CSPG4: variants seen among roughly 807,000 people sequenced by gnomAD.
CSPG4 encodes chondroitin sulfate proteoglycan 4 (melanoma-associated).
CSPG4 carries 74 observed loss-of-function variants against 139.3 expected under a neutral mutation model. The observed-to-expected ratio is 0.53, with a 90% confidence interval of 0.44 to 0.64. The LOEUF (loss-of-function observed/expected upper bound fraction) is 0.64, where lower values mean the gene tolerates loss of function less well. Ranked by LOEUF, CSPG4 falls within the 30% of genes least tolerant of loss-of-function variation. CSPG4 has a pLI of 0.00. For missense variants in CSPG4, 2,565 were observed against 3,148.3 expected (o/e 0.81, Z 4.43); for synonymous variants, 1,234 against 1,394.2 (o/e 0.89, Z 2.56).
At chr15:75,683,902 C>T (rs1460174418) in intron 5 of CSPG4, among the ~76,000 whole-genome samples, 1 of 152,192 alleles carries the variant, frequency 6.6e-6, no homozygotes, top group African/African-American at 2.4e-5. Flanking sequence ...TAGATGGCAC[C>T]ACCTGGTGGC....
rs745589510 is a variant in CSPG4 at position 75,676,159 on chromosome 15, G to A, written c.6360C>T (p.Asp2120=). The A allele has an allele frequency of 8.5e-5, 131 of 1,547,660 alleles. No homozygotes were observed. The highest frequency in any genetic ancestry group is 3.5e-4 in the South Asian group (30 of 85,206). Residue 2120 remains aspartate (D), a synonymous_variant, in exon 10 of 10, where the codon GAC becomes GAT. Transcript: ENST00000308508. The part of the protein sequence containing the change: ...VEQFTQQDLE[D]GRLGLEVGRP... ...TGCCCACCTCCAGCCCCAGCCTCCC[G>A]TCCTCAAGGTCCTGCTGAGTGAACT...
At position 75,674,623 on chromosome 15, in the gene CSPG4, T is replaced by C. The variant is rs538703256; in HGVS notation, c.*927A>G. ...TTAAGACACAAACACCACACAGCTG[T>C]CCAGAGCCTCCAAAGCACTGTTTAT... is the stretch of plus-strand genomic sequence containing the variant. On this transcript the variant is annotated 3_prime_UTR_variant, in exon 10 of 10. Coordinates refer to ENST00000308508, the MANE Select transcript of CSPG4 (RefSeq NM_001897.5). 3.8e-5 allele frequency: 15 copies of C among 398,482 alleles called. No homozygotes were observed. In the South Asian group the frequency reaches 2.0e-3, roughly 52 times the overall value. 24.7% of individuals were successfully genotyped at this position (398,482 alleles called of 1,614,324 possible).
In CSPG4 at chr15:75,676,973, G is replaced by A. The variant is rs1018531916; in HGVS notation, c.5546C>T (p.Ala1849Val). The change falls in exon 10 of 10, where the codon GCC (alanine) becomes GTC (valine). Residue 1849 changes from alanine (A) to valine (V), a missense_variant. By Grantham distance (64) the Ala-to-Val change is moderately conservative. Transcript: ENST00000308508. ...ACTCAGCTGGGCCCGGGAGATGGGG[G>A]CACGAGAGCCTCGGGTGAGCCGGAG... ...VPLRLTRGSRAPISRAQLSVV... is the reference protein window; with the variant it reads ...VPLRLTRGSRVPISRAQLSVV... 1.3e-6 allele frequency: 2 copies of A among 1,488,294 alleles called. No homozygotes were observed. The highest frequency in any genetic ancestry group is 1.8e-6 in the Non-Finnish European group (2 of 1,114,486). 92.2% of individuals were successfully genotyped at this position (1,488,294 alleles called of 1,614,324 possible).
intron 1 of CSPG4, among the ~76,000 whole-genome samples, chr15:75,699,321 GC>G (rs1894270843): frequency 6.6e-6 from 1 of 152,230 alleles, no homozygotes; most frequent in African/African-American, 2.4e-5. Flanking sequence ...ACTCAGGTCA[GC>G]TGACCTTCTG....
rs753939055 is a variant in CSPG4, at chr15:75,696,427, T to C, written c.89-3194A>G. ...GTGGGCGTCCAGGGCTGTATATTAA[T>C]AGATGTGTATTTGTGTGTGCGCAAG... On this transcript the variant is annotated intron_variant, in intron 1 of 9. Coordinates refer to ENST00000308508, the MANE Select transcript of CSPG4 (RefSeq NM_001897.5). This position sits in a 1 kb window ranked among gnomAD's most constrained non-coding sequence, Gnocchi z 4.2. Among the ~76,000 whole-genome samples the C allele has an allele frequency of 1.3e-5, 2 of 152,042 alleles. No individual in the cohort carries two copies. The highest frequency in any genetic ancestry group is 1.3e-4 in the Admixed American group (2 of 15,274).
rs143390591 is a variant in CSPG4 at position 75,687,950 on chromosome 15, T to C, written c.3115A>G (p.Thr1039Ala). 1.6e-3 allele frequency: 2,513 copies of C among 1,612,828 alleles called. 27 individuals are homozygous for C. The highest frequency in any genetic ancestry group is 0.014 in the East Asian group (613 of 44,884). Residue 1039 changes from threonine (T) to alanine (A), a missense_variant, in exon 3 of 10, where the codon ACA becomes GCA. Around this residue, in one of 5 missense-constraint regions of CSPG4, gnomAD observed 2,316 missense variants for 2,818.2 expected, o/e 0.82. Transcript: ENST00000308508. This position sits in a 1 kb window ranked among gnomAD's most constrained non-coding sequence, Gnocchi z 5.4. ...GCATCGCTGAAGGCCACGTCGTCTG[T>C]AGTCAGCAGCCGCCGCCCACCCCGG... ...VARGGRRLLT[T>A]DDVAFSDADS...
intron 8 of CSPG4, among the ~76,000 whole-genome samples, chr15:75,681,251 C>T (rs1335401601): frequency 1.3e-5 from 2 of 152,208 alleles, no homozygotes; most frequent in East Asian, 1.9e-4. Context: ...CTTCCAGATG[C>T]CCAAATCTGA....
chr15:75,705,401 T>G (rs1169054649), intron 1 of CSPG4, among the ~76,000 whole-genome samples: 1 of 152,226 alleles, frequency 6.6e-6, no homozygotes, highest in Non-Finnish European at 1.5e-5. Flanking sequence ...GTCCCCATGT[T>G]GCCGGGCCAC....
At position 75,689,298 on chromosome 15, in the gene CSPG4, G is replaced by A; in HGVS notation, c.1767C>T (p.Gly589=). ...QAYDPDSACE[G]LTFQVLGTSS... ...AGGTGCCAAGGACCTGGAAGGTGAG[G>A]CCCTCACAGGCAGAGTCCGGGTCAT... Residue 589 remains glycine, a synonymous_variant, in exon 3 of 10, where the codon GGC becomes GGT. Coordinates refer to ENST00000308508, the MANE Select transcript of CSPG4 (RefSeq NM_001897.5). 2 of 1,610,942 alleles carry A rather than the reference G, an allele frequency of 1.2e-6. No individual in the cohort carries two copies. The highest frequency in any genetic ancestry group is 1.7e-6 in the Non-Finnish European group (2 of 1,179,830).
intron 3 of CSPG4, 79 bp from the exon 4 acceptor site, chr15:75,685,780 C>T (rs1401439547): frequency 8.3e-6 from 12 of 1,453,686 alleles, no homozygotes; most frequent in Admixed American, 2.4e-5. Context: ...CCTAAGAAGC[C>T]GGAACAGGCT....
chr15:75,675,399 G>A lies in CSPG4; in HGVS notation c.*151C>T. On this transcript the variant is annotated 3_prime_UTR_variant, in exon 10 of 10. Coordinates refer to ENST00000308508, the MANE Select transcript of CSPG4 (RefSeq NM_001897.5). ...TGACTCCACTCTGTCCCGGACCCCT[G>A]GGACTATCTCCCAGGACCCTCCACC... 1.2e-6 allele frequency: 1 copy of A among 811,048 alleles called. No individual in the cohort carries two copies. Among genetic ancestry groups the A allele is most frequent in the Non-Finnish European group, 1.7e-6 (1 of 594,042 alleles). The allele number at this position is 811,048 out of a possible 1,614,324, so 50.2% of individuals were successfully genotyped here. A position where few individuals can be genotyped will look rare whatever the true frequency, so the allele number is the denominator to read the frequency against.
chr15:75,676,462 G>C lies in CSPG4; in HGVS notation c.6057C>G (p.Ser2019=). ...EVVFAFTNFS[S]SHDHFRVLAL... ...CCAGGACTCTGAAGTGGTCATGAGAGGAGGAGAAGTTGGTGAAGGCAAAGA... is the reference window on the plus strand; with the variant it reads ...CCAGGACTCTGAAGTGGTCATGAGACGAGGAGAAGTTGGTGAAGGCAAAGA... The change falls in exon 10 of 10, where the codon TCC becomes TCG. Residue 2019 remains serine (S), a synonymous_variant. Transcript: ENST00000308508. The C allele has an allele frequency of 1.2e-6, 2 of 1,614,008 alleles. No individual in the cohort carries two copies. The highest frequency in any genetic ancestry group is 1.7e-6 in the Non-Finnish European group (2 of 1,180,016).
In CSPG4 at chr15:75,682,998, C is replaced by T; in HGVS notation, c.4493G>A (p.Arg1498Lys). ...AGACCCAGAGTCGCCGTCCGTGCTC[C>T]TCAGAGCCTCCGCAGGGATGGGCGC... is the stretch of plus-strand genomic sequence containing the variant. ...ATAPIPAEALRSTDGDSGSED... is the reference protein window; with the variant it reads ...ATAPIPAEALKSTDGDSGSED... The change falls in exon 6 of 10, where the codon AGG becomes AAG. Residue 1498 changes from arginine (R) to lysine (K), a missense_variant. By Grantham distance (26) the Arg-to-Lys change is conservative (BLOSUM62 2). This residue lies in a region of CSPG4 where 2,316 missense variants were observed against 2,818.2 expected (regional missense o/e 0.82). Transcript: ENST00000308508. The T allele has an allele frequency of 6.2e-7, 1 of 1,611,300 alleles. No homozygotes were observed. The highest frequency in any genetic ancestry group is 2.0e-4 in the Middle Eastern group (1 of 5,068).
Position 75,688,111 on chromosome 15 carries a change from G to A in CSPG4, c.2954C>T (p.Pro985Leu), listed in dbSNP as rs1894091626. The A allele has an allele frequency of 3.1e-6, 5 of 1,612,870 alleles. No individual in the cohort carries two copies. The highest frequency in any genetic ancestry group is 1.1e-5 in the South Asian group (1 of 91,078). ...DDSETTEDDI[P>L]FVATRQGESS... ...CTCGCCCTGGCGGGTAGCAACAAAT[G>A]GGATATCATCTTCTGTGGTCTCGGA... is the stretch of plus-strand genomic sequence containing the variant. The change falls in exon 3 of 10, where the codon CCA becomes CTA. Residue 985 changes from proline (P) to leucine (L), a missense_variant. By Grantham distance (98) the Pro-to-Leu change is moderately conservative (BLOSUM62 -3). Transcript: ENST00000308508.
At position 75,682,856 on chromosome 15, in the gene CSPG4, C is replaced by A. The variant is rs751227189; in HGVS notation, c.4635G>T (p.Leu1545=). ...TQAQLDGGLV[L]FSHRGTLDGG... ...CTCAGCACCCACCTCTGTGTGAGAA[C>A]AGCACGAGCCCGCCGTCCAGCTGGG... The change falls in exon 6 of 10, where the codon CTG becomes CTT. Residue 1545 remains leucine (L), a synonymous_variant. Transcript: ENST00000308508. The A allele has an allele frequency of 8.1e-5, 131 of 1,609,504 alleles. No individual in the cohort carries two copies. The highest frequency in any genetic ancestry group is 1.0e-4 in the Non-Finnish European group (120 of 1,179,044).
intron 3 of CSPG4, among the ~76,000 whole-genome samples, chr15:75,686,128 CCA>C (rs1265267455): frequency 2.0e-5 from 3 of 152,190 alleles, no homozygotes; most frequent in East Asian, 3.8e-4. Context: ...AATGCCCACC[CCA>C]CACACGGTTG....
chr15:75,681,997 C>T (rs1468893318), intron 8 of CSPG4, among the ~76,000 whole-genome samples: 11 of 152,194 alleles, frequency 7.2e-5, no homozygotes, highest in Non-Finnish European at 1.6e-4. Context: ...TCTCCAGACC[C>T]TCGGGTCCGG....
chr15:75,678,017 G>T, intron 8 of CSPG4, 131 bp from the exon 9 acceptor site: 1 of 765,324 alleles, frequency 1.3e-6, no homozygotes, highest in Non-Finnish European at 2.0e-6. Context: ...GTGACCCGCT[G>T]TCTCCCTCAC....
At chr15:75,705,157 A>G (rs1157020169) in intron 1 of CSPG4, among the ~76,000 whole-genome samples, 2 of 152,102 alleles carry the variant, frequency 1.3e-5, no homozygotes, top group Admixed American at 1.3e-4. Context: ...GGCTGTCCCC[A>G]CTTCTTCTAG....
Sources: allele counts gnomAD v4.1 joint callset (sites outside exome capture counted in the v4.1 genomes callset), GRCh38; gene constraint gnomAD v4.1.1; regional missense constraint gnomAD v4.1.1; non-coding constraint Gnocchi (gnomAD v3.1); transcripts MANE v1.5; gene names NCBI Gene and HGNC (gene_info 2026-07-23, HGNC 2026-07-21).